Variants in PRR16 observed in about 807,000 individuals in gnomAD.
The protein encoded by PRR16 is protein Largen.
In PRR16, 6 loss-of-function variants were observed where a neutral mutation model predicts 18.2. That is an observed-to-expected ratio of 0.33 (90% CI 0.18 to 0.65). The LOEUF is 0.65. Among genes scored for constraint, PRR16 ranks in the 30% least tolerant of loss-of-function variants. The pLI is 0.74. For missense variants in PRR16, 412 were observed against 376.6 expected (o/e 1.09, Z -0.78); for synonymous variants, 151 against 147.8 (o/e 1.02, Z -0.16).
downstream of PRR16, among the ~76,000 whole-genome samples, chr5:120,689,887 T>C (rs1386598206): frequency 2.0e-5 from 3 of 151,994 alleles, no homozygotes; most frequent in Non-Finnish European, 2.9e-5. Context: ...ATAGCAGTTA[T>C]AAAGGGAAAT....
intron 1 of PRR16, among the ~76,000 whole-genome samples, chr5:120,497,383 G>GTTTTTTTTTTTT (rs772458976): frequency 9.3e-6 from 1 of 106,952 alleles, no homozygotes; most frequent in Non-Finnish European, 1.9e-5. Context: ...TTGATGAACT[G>GTTTTTTTTTTTT]ATTTTTTTTT....
the PRR16 span, among the ~76,000 whole-genome samples, chr5:120,730,249 T>G: frequency 6.6e-6 from 1 of 152,152 alleles, no homozygotes; most frequent in African/African-American, 2.4e-5. Context: ...CTCTACAGGA[T>G]GAATTCTCAG....
the PRR16 span, among the ~76,000 whole-genome samples, chr5:120,734,927 T>G: frequency 1.3e-5 from 2 of 152,184 alleles, no homozygotes; most frequent in Admixed American, 1.3e-4. Context: ...TTTAGACACA[T>G]TTTTCTTTCA....
chr5:120,779,172 C>T, the PRR16 span, among the ~76,000 whole-genome samples: 1 of 152,142 alleles, frequency 6.6e-6, no homozygotes, highest in Non-Finnish European at 1.5e-5. Flanking sequence ...GGATAAATAT[C>T]ACAGCCATTC....
At chr5:120,577,496 T>C (rs1259102219) in intron 1 of PRR16, among the ~76,000 whole-genome samples, 1 of 152,080 alleles carries the variant, frequency 6.6e-6, no homozygotes. Flanking sequence ...GGTGGATTTC[T>C]TCTTTTTTGT....
intron 1 of PRR16, among the ~76,000 whole-genome samples, chr5:120,634,368 G>C (rs1462203084): frequency 6.6e-6 from 1 of 152,194 alleles, no homozygotes; most frequent in Admixed American, 6.5e-5. Context: ...AGAGGGCCGG[G>C]CATGGTGGTT....
the PRR16 span, among the ~76,000 whole-genome samples, chr5:120,752,331 C>T: frequency 9.9e-4 from 150 of 151,936 alleles, 2 homozygotes; most frequent in Admixed American, 6.6e-4. Flanking sequence ...GAATAGATAA[C>T]AGTGGAGATA....
chr5:120,669,593 A>G (rs1756524149), intron 1 of PRR16, among the ~76,000 whole-genome samples: 1 of 152,058 alleles, frequency 6.6e-6, no homozygotes, highest in South Asian at 2.1e-4. Context: ...CTAATCCTCC[A>G]CATACTAAAA....
the PRR16 span, among the ~76,000 whole-genome samples, chr5:120,710,141 T>G: frequency 6.6e-6 from 1 of 152,196 alleles, no homozygotes; most frequent in African/African-American, 2.4e-5. Flanking sequence ...GCATTTGTTA[T>G]TTTCTGTCTT....
the PRR16 span, among the ~76,000 whole-genome samples, chr5:120,704,345 T>C: frequency 6.6e-6 from 1 of 152,060 alleles, no homozygotes; most frequent in Admixed American, 6.6e-5. Context: ...CTTGAGACTG[T>C]TTTCTTTTTT....
the PRR16 span, among the ~76,000 whole-genome samples, chr5:120,780,073 C>CT: frequency 6.6e-6 from 1 of 152,108 alleles, no homozygotes; most frequent in African/African-American, 2.4e-5. Context: ...AATGTCTATC[C>CT]TTTTTGTTGT....
At position 120,686,082 on chromosome 5, in the gene PRR16, A is replaced by C. The variant is rs1253556021; in HGVS notation, c.288A>C (p.Lys96Asn). 1 of 1,614,136 alleles carries C rather than the reference A, an allele frequency of 6.2e-7. No homozygotes were observed. The highest frequency in any genetic ancestry group is 1.1e-5 in the South Asian group (1 of 91,086). ...CAGCCTCCAGCCTAGAGAAGATCAA[A>C]GTGCAGGCTAATGCACCGCTTATTA... ...GTTASSLEKIKVQANAPLIKP... is the reference protein window; with the variant it reads ...GTTASSLEKINVQANAPLIKP... Residue 96 changes from lysine (K) to asparagine (N), a missense_variant, in exon 2 of 2, where the codon AAA becomes AAC. Physicochemically the swap from Lys to Asn is moderately conservative, Grantham distance 94 (BLOSUM62 0). Coordinates refer to ENST00000407149, the MANE Select transcript of PRR16 (RefSeq NM_001300783.2).
intron 1 of PRR16, among the ~76,000 whole-genome samples, chr5:120,661,045 G>A (rs1220854486): frequency 1.3e-5 from 2 of 152,098 alleles, no homozygotes; most frequent in Non-Finnish European, 2.9e-5. Flanking sequence ...TTTTAAAGTA[G>A]TCCAAGATAG....
At chr5:120,701,207 G>A in the PRR16 span, among the ~76,000 whole-genome samples, 2 of 152,238 alleles carry the variant, frequency 1.3e-5, no homozygotes, top group Non-Finnish European at 1.5e-5. Flanking sequence ...CCTTGAAGGC[G>A]AGGTTAATTA....
intron 1 of PRR16, among the ~76,000 whole-genome samples, chr5:120,574,131 G>T (rs539120770): frequency 2.0e-5 from 3 of 151,952 alleles, no homozygotes; most frequent in Non-Finnish European, 4.4e-5. Context: ...ATAAACTAAT[G>T]TTTAATCAAA....
chr5:120,713,420 T>G, the PRR16 span, among the ~76,000 whole-genome samples: 1 of 152,210 alleles, frequency 6.6e-6, no homozygotes, highest in African/African-American at 2.4e-5. Context: ...ACAGAAGAAT[T>G]ATTTTTTCTT....
intron 1 of PRR16, among the ~76,000 whole-genome samples, chr5:120,638,645 G>C (rs572765020): frequency 6.6e-6 from 1 of 152,144 alleles, no homozygotes; most frequent in South Asian, 2.1e-4. Context: ...CAGTCTAGCT[G>C]TGAGCTACAG....
At chr5:120,635,371 A>C (rs1418025435) in intron 1 of PRR16, among the ~76,000 whole-genome samples, 1 of 152,188 alleles carries the variant, frequency 6.6e-6, no homozygotes, top group Non-Finnish European at 1.5e-5. Context: ...ATCCTCAACA[A>C]AATACTAGCT....
chr5:120,729,307 G>C, the PRR16 span, among the ~76,000 whole-genome samples: 2 of 152,138 alleles, frequency 1.3e-5, no homozygotes, highest in African/African-American at 2.4e-5. Context: ...CTCTCCAGCT[G>C]TGTGGCCATA....
Sources: gnomAD v4.1 joint callset for allele counts (sites outside exome capture counted in the v4.1 genomes callset) on GRCh38, gnomAD v4.1.1 for gene constraint, MANE v1.5 for transcripts, NCBI Gene and HGNC (gene_info 2026-07-23, HGNC 2026-07-21) for gene names.